WDR3: variants seen among roughly 807,000 people sequenced by gnomAD.
WDR3 encodes the protein WD repeat domain 3, also known as WD repeat-containing protein 3.
In WDR3, 81 loss-of-function variants were observed where a neutral mutation model predicts 123.7. The observed-to-expected ratio is 0.65, with a 90% CI of 0.55 to 0.79. The LOEUF is 0.79. Among genes scored for constraint, WDR3 ranks in the 30% least tolerant of loss-of-function variants. The probability of loss-of-function intolerance (pLI) is 0.00; values close to 1 mark genes in which losing one functional copy is unlikely to be tolerated. For synonymous variants in WDR3, 390 were observed against 388.8 expected (o/e 1.00, Z -0.04); for missense variants, 1,027 against 1,123.2 (o/e 0.91, Z 1.22).
intron 24 of WDR3, 141 bp downstream of exon 24, chr1:117,955,499 T>C: frequency 1.3e-6 from 1 of 747,888 alleles, no homozygotes; most frequent in Non-Finnish European, 2.0e-6. Context: ...TGGAAAATAA[T>C]TTATAATGTT....
Position 117,950,043 on chromosome 1 carries a change from G to T in WDR3, c.1659G>T (p.Leu553=). The part of the protein sequence containing the change: ...TRTLQLDEDV[L]CVSYSPNQKL... ...CTTTGCAACTAGATGAAGATGTTCT[G>T]TGTGTCAGTTACTCTCCCAATCAAA... is the stretch of plus-strand genomic sequence containing the variant. The change falls in exon 15 of 27, where the codon CTG becomes CTT. Residue 553 remains leucine (L), a synonymous_variant. Coordinates refer to ENST00000349139, the MANE Select transcript of WDR3 (RefSeq NM_006784.3). The T allele has an allele frequency of 6.2e-7, 1 of 1,613,960 alleles. No homozygotes were observed. Among genetic ancestry groups the T allele is most frequent in the Non-Finnish European group, 8.5e-7 (1 of 1,179,934 alleles).
Position 117,936,889 on chromosome 1 carries a change from T to A in WDR3, c.500+2T>A, listed in dbSNP as rs1335624394. On this transcript the variant is annotated splice_donor_variant, in intron 4 of 26. Coordinates refer to ENST00000349139, the MANE Select transcript of WDR3 (RefSeq NM_006784.3). LOFTEE classifies it high-confidence loss of function. ...AGAAAAGAACCTGCTAGTTACTAGG[T>A]AAAGAAATAATGGTTTAATTTCCAG... 1 of 1,604,752 alleles carries A rather than the reference T, an allele frequency of 6.2e-7. No individual in the cohort carries two copies. Among genetic ancestry groups the A allele is most frequent in the African/African-American group, 1.3e-5 (1 of 74,638 alleles).
Position 117,955,309 on chromosome 1 carries a change from TTA to T in WDR3, c.2410-3_2410-2del. ...ATCACTAATGGTATTAATCCTTCCT[TTA>T]TAGCCTTCAGCTTATGTATTAGAGA... On this transcript the variant is annotated splice_region_variant and splice_polypyrimidine_tract_variant and intron_variant, in intron 23 of 26. Coordinates refer to ENST00000349139, the MANE Select transcript of WDR3 (RefSeq NM_006784.3). 2 of 1,610,768 alleles carry T rather than the reference TTA, an allele frequency of 1.2e-6. No individual in the cohort carries two copies. The highest frequency in any genetic ancestry group is 1.7e-6 in the Non-Finnish European group (2 of 1,177,968).
chr1:117,948,215 A>G (rs1339558700), intron 12 of WDR3, among the ~76,000 whole-genome samples, 190 bp from the exon 13 acceptor site: 1 of 152,248 alleles, frequency 6.6e-6, no homozygotes, highest in Non-Finnish European at 1.5e-5. Flanking sequence ...TTAACCCAGC[A>G]CATCAGTAGG....
At chr1:117,932,823 G>T (rs1650781263) in intron 1 of WDR3, among the ~76,000 whole-genome samples, 1 of 152,080 alleles carries the variant, frequency 6.6e-6, no homozygotes, top group South Asian at 2.1e-4. Flanking sequence ...TGATGTCCAG[G>T]TATTTTAGGT....
In WDR3 at chr1:117,963,871, C is replaced by T. The variant is rs773221475; in HGVS notation, c.*4424C>T. ...AATAAATTGTAGAAGTTCTCTGGAC[C>T]ATTGGATTTTCTTTTCCCTGGGGAA... On this transcript the variant is annotated 3_prime_UTR_variant, in exon 27 of 27. Transcript: ENST00000349139. 3.1e-6 allele frequency: 5 copies of T among 1,613,738 alleles called. No homozygotes were observed. The highest frequency in any genetic ancestry group is 1.3e-5 in the African/African-American group (1 of 74,912).
At chr1:117,936,964 A>C in intron 4 of WDR3, 77 bp downstream of exon 4, 6 of 1,251,356 alleles carry the variant, frequency 4.8e-6, no homozygotes, top group Non-Finnish European at 6.9e-6. Flanking sequence ...CATTTCTCTC[A>C]TGAGCAGTGT....
intron 13 of WDR3, among the ~76,000 whole-genome samples, chr1:117,949,346 C>T (rs570821617): frequency 2.4e-4 from 37 of 152,134 alleles, no homozygotes; most frequent in Admixed American, 2.6e-4. Flanking sequence ...TTCTTGATAA[C>T]GGAAAACAGC....
At chr1:117,931,335 CATA>C (rs1441334008) in intron 1 of WDR3, among the ~76,000 whole-genome samples, 2 of 152,186 alleles carry the variant, frequency 1.3e-5, no homozygotes, top group African/African-American at 2.4e-5. Flanking sequence ...TAAACAATTG[CATA>C]ATGTTATCAG....
intron 10 of WDR3, 48 bp downstream of exon 10, chr1:117,942,592 A>G: frequency 6.5e-7 from 1 of 1,534,808 alleles, no homozygotes; most frequent in Non-Finnish European, 9.0e-7. Context: ...TAAGCTACCA[A>G]GTATTATTGG....
In WDR3 at chr1:117,963,255, A is replaced by T. The variant is rs958341043; in HGVS notation, c.*3808A>T. On this transcript the variant is annotated 3_prime_UTR_variant, in exon 27 of 27. Transcript: ENST00000349139. ...AACAGAATACAGTAAATATAATGGG[A>T]TGTGTCTTCCAAGATTAGGGTATAA... 2.6e-5 allele frequency: 4 copies of T among 152,186 alleles called. No individual in the cohort carries two copies. The highest frequency in any genetic ancestry group is 9.7e-5 in the African/African-American group (4 of 41,426). The allele number at this position is 152,186 out of a possible 1,614,324, so 9.4% of individuals were successfully genotyped here.
rs200959855 is a variant in WDR3, at chr1:117,943,589, C to A, written c.1291C>A (p.Leu431Ile). The A allele has an allele frequency of 4.3e-6, 7 of 1,614,084 alleles. No individual in the cohort carries two copies. The highest frequency in any genetic ancestry group is 5.9e-6 in the Non-Finnish European group (7 of 1,180,024). Reference protein sequence around the residue: ...LSFSSDNIAVLSAAADSIKIW... With the variant: ...LSFSSDNIAVISAAADSIKIW... ...ATTCAGCTCAGACAATATTGCTGTT[C>A]TTTCAGCTGCAGCTGATTCCATTAA... The change falls in exon 11 of 27, where the codon CTT becomes ATT. Residue 431 changes from leucine (L) to isoleucine (I), a missense_variant. Transcript: ENST00000349139.
intron 1 of WDR3, 33 bp downstream of exon 1, chr1:117,929,815 A>G (rs921834654): frequency 6.6e-6 from 1 of 152,270 alleles, no homozygotes; most frequent in Admixed American, 6.5e-5. Context: ...TGGGGCGGAG[A>G]GCATTATCTG....
chr1:117,938,669 T>C (rs1196505656), intron 5 of WDR3, 111 bp downstream of exon 5: 5 of 867,578 alleles, frequency 5.8e-6, no homozygotes, highest in Non-Finnish European at 7.0e-6. Flanking sequence ...ACAGTAATTA[T>C]CATATGCCAT....
rs1487935459 is a variant in WDR3 at position 117,964,381 on chromosome 1, A to C, written c.*4934A>C. On this transcript the variant is annotated 3_prime_UTR_variant, in exon 27 of 27. Transcript: ENST00000349139. ...CTATAAGCAGGGAAATAGAAAATTTATTATAAATACAAATGATTTCATTGC... is the reference window on the plus strand; with the variant it reads ...CTATAAGCAGGGAAATAGAAAATTTCTTATAAATACAAATGATTTCATTGC... The C allele has an allele frequency of 6.5e-6, 1 of 153,372 alleles. No homozygotes were observed. Among genetic ancestry groups the C allele is most frequent in the Non-Finnish European group, 1.5e-5 (1 of 68,854 alleles). 9.5% of individuals were successfully genotyped at this position (153,372 alleles called of 1,614,324 possible).
At chr1:117,941,871 T>C in intron 9 of WDR3, 24 bp downstream of exon 9, 1 of 1,588,742 alleles carries the variant, frequency 6.3e-7, no homozygotes, top group Non-Finnish European at 8.5e-7. Flanking sequence ...ATACTTACAT[T>C]AATAATGAAG....
chr1:117,959,035 A>T, intron 26 of WDR3, 32 bp downstream of exon 26: 1 of 1,596,434 alleles, frequency 6.3e-7, no homozygotes, highest in Non-Finnish European at 8.6e-7. Flanking sequence ...TAAAATAATG[A>T]GGCAAATTCC....
At position 117,934,608 on chromosome 1, in the gene WDR3, T is replaced by C. The variant is rs772910692; in HGVS notation, c.307T>C (p.Phe103Leu). The C allele has an allele frequency of 1.9e-6, 3 of 1,614,034 alleles. No individual in the cohort carries two copies. Among genetic ancestry groups the C allele is most frequent in the Non-Finnish European group, 2.5e-6 (3 of 1,180,022 alleles). The stretch of plus-strand genomic sequence containing the variant: ...CCTGAGTGGGGAAGGAAATGTGACC[T>C]TCAATGGTCACAAAGCAGCTATCAC... ...SLLSGEGNVT[F>L]NGHKAAITTL... The change falls in exon 3 of 27, where the codon TTC becomes CTC. Residue 103 changes from phenylalanine to leucine, a missense_variant. Coordinates refer to ENST00000349139, the MANE Select transcript of WDR3 (RefSeq NM_006784.3).
Position 117,934,560 on chromosome 1 carries a change from G to T in WDR3, c.259G>T (p.Gly87Trp), listed in dbSNP as rs1650850491. 6.2e-7 allele frequency: 1 copy of T among 1,614,134 alleles called. No individual in the cohort carries two copies. Residue 87 changes from glycine (G) to tryptophan (W), a missense_variant, in exon 3 of 27, where the codon GGG becomes TGG. By Grantham distance (184) the Gly-to-Trp change is radical. Transcript: ENST00000349139. ...GLHLAVGYED[G>W]SIRIFSLLSG... Reference sequence around the variant, plus strand: ...ACACTTAGCTGTTGGGTATGAGGATGGGTCGATCCGAATCTTCAGTCTCCT... The same window carrying T: ...ACACTTAGCTGTTGGGTATGAGGATTGGTCGATCCGAATCTTCAGTCTCCT...
Sources: allele counts gnomAD v4.1 joint callset (sites outside exome capture counted in the v4.1 genomes callset), GRCh38; gene constraint gnomAD v4.1.1; transcripts MANE v1.5; gene names NCBI Gene and HGNC (gene_info 2026-07-23, HGNC 2026-07-21).